Variants in EPB41L1 observed in about 807,000 individuals in gnomAD.
EPB41L1 encodes the protein erythrocyte membrane protein band 4.1 like 1, also known as band 4.1-like protein 1.
A neutral mutation model predicts 97.8 loss-of-function variants in EPB41L1; 29 were observed. The observed-to-expected ratio is 0.30, with a 90% confidence interval of 0.22 to 0.40. The LOEUF (loss-of-function observed/expected upper bound fraction) is 0.40, where lower values mean the gene tolerates loss of function less well. Among genes scored for constraint, EPB41L1 ranks in the 10% least tolerant of loss-of-function variants. EPB41L1 has a pLI of 1.00. For missense variants in EPB41L1, 812 were observed against 1,162.3 expected (o/e 0.70, Z 4.38); for synonymous variants, 383 against 459.2 (o/e 0.83, Z 2.12).
chr20:36,202,050 T>C (rs1262809489), intron 14 of EPB41L1, among the ~76,000 whole-genome samples: 1 of 152,176 alleles, frequency 6.6e-6, no homozygotes, highest in Non-Finnish European at 1.5e-5. Context: ...AGAACAAAAC[T>C]ATCCGCACAC....
chr20:36,227,981 T>C (rs2064275888), intron 21 of EPB41L1, among the ~76,000 whole-genome samples: 1 of 152,168 alleles, frequency 6.6e-6, no homozygotes, highest in African/African-American at 2.4e-5. Context: ...TGGGAAAAAA[T>C]TGACCTGTTC....
chr20:36,147,043 G>T (rs935610943), intron 2 of EPB41L1, among the ~76,000 whole-genome samples: 4 of 151,868 alleles, frequency 2.6e-5, no homozygotes, highest in African/African-American at 9.7e-5. Context: ...GCTACTTAGG[G>T]GGCTGAGGTA....
chr20:36,119,037 T>C (rs1420263444), intron 2 of EPB41L1, among the ~76,000 whole-genome samples: 2 of 152,242 alleles, frequency 1.3e-5, no homozygotes, highest in Non-Finnish European at 2.9e-5. Flanking sequence ...ACTTCTTCTA[T>C]AACTGAGCTA....
chr20:36,139,201 A>G (rs779564971), intron 2 of EPB41L1, among the ~76,000 whole-genome samples: 2 of 152,382 alleles, frequency 1.3e-5, no homozygotes, highest in Non-Finnish European at 2.9e-5. Context: ...GGCTAGGCCA[A>G]CGAGGATTCT....
intron 21 of EPB41L1, among the ~76,000 whole-genome samples, chr20:36,227,926 C>A (rs1221875822): frequency 6.6e-6 from 1 of 152,200 alleles, no homozygotes; most frequent in Non-Finnish European, 1.5e-5. Flanking sequence ...ACACCACCAG[C>A]AAGAGGGCAG....
rs1036336320 is a variant in EPB41L1 at position 36,123,853 on chromosome 20, G to T, written c.-10+11373G>T. Among the ~76,000 whole-genome samples the T allele has an allele frequency of 9.2e-5, 14 of 152,224 alleles. 1 individual carries two copies. The highest frequency in any genetic ancestry group is 3.4e-4 in the African/African-American group (14 of 41,458). On this transcript the variant is annotated intron_variant, in intron 2 of 19. Transcript: ENST00000202028. ...GAAAAAGGGAATTAACATTCAGTGA[G>T]CACCTATGTGCCAGTGCTATGCCAA... is the stretch of plus-strand genomic sequence containing the variant.
chr20:36,142,049 C>G (rs1019211514), intron 2 of EPB41L1, among the ~76,000 whole-genome samples: 3 of 147,228 alleles, frequency 2.0e-5, no homozygotes, highest in Non-Finnish European at 4.4e-5. Flanking sequence ...GCGGAGGTTG[C>G]AGTGAGCCGA....
At position 36,194,229 on chromosome 20, in the gene EPB41L1, G is replaced by C. The variant is rs1431319771; in HGVS notation, c.1318G>C (p.Ala440Pro). Residue 440 changes from alanine to proline, a missense_variant, in exon 12 of 22, where the codon GCC becomes CCC. Ala to Pro is a conservative substitution (Grantham distance 27, BLOSUM62 -1). Coordinates refer to ENST00000338074, the MANE Select transcript of EPB41L1 (RefSeq NM_012156.2). Reference sequence around the variant, plus strand: ...CACTTCAGCAGAGTTCTCCCGCCCAGCCTCGGTCAGCGAGAACCATGATGC... The same window carrying C: ...CACTTCAGCAGAGTTCTCCCGCCCACCCTCGGTCAGCGAGAACCATGATGC... ...SLDGAEFSRP[A>P]SVSENHDAGP... 2.5e-6 allele frequency: 4 copies of C among 1,613,884 alleles called. 1 individual carries two copies. The Admixed American group carries it at 6.7e-5, about 27-fold the overall frequency.
rs2147811860 is a variant in EPB41L1, at chr20:36,139,067, C to T, written c.-10+26587C>T. ...TGCCTGTCTCCCAGTGACTGACAGG[C>T]TCTTATTCAGCCTCTTGTGGTGATT... On this transcript the variant is annotated intron_variant, in intron 2 of 19. Coordinates refer to the EPB41L1 transcript ENST00000202028. Among the ~76,000 whole-genome samples, 2 of 152,344 alleles carry T rather than the reference C, an allele frequency of 1.3e-5. 1 individual carries two copies. The highest frequency in any genetic ancestry group is 4.1e-4 in the South Asian group (2 of 4,828).
Position 36,194,305 on chromosome 20 carries a change from G to T in EPB41L1, c.1394G>T (p.Arg465Leu). The T allele has an allele frequency of 6.2e-7, 1 of 1,614,090 alleles. No individual in the cohort carries two copies. Among genetic ancestry groups the T allele is most frequent in the Non-Finnish European group, 8.5e-7 (1 of 1,179,986 alleles). The change falls in exon 12 of 22, where the codon CGG becomes CTG. Residue 465 changes from arginine to leucine, a missense_variant. Physicochemically the swap from Arg to Leu is moderately radical, Grantham distance 102. This residue lies in a region of EPB41L1 where 498 missense variants were observed against 622.7 expected (regional missense o/e 0.80). Transcript: ENST00000338074. ...RDEDGESGGQ[R>L]SEAEEGEVRT... ...GAGGATGGCGAGTCTGGGGGGCAAC[G>T]GTCAGAGGCTGAGGAGGGAGAGGTC... is the stretch of plus-strand genomic sequence containing the variant.
intron 2 of EPB41L1, 61 bp from the exon 3 acceptor site, chr20:36,175,490 T>C: frequency 1.9e-6 from 3 of 1,599,694 alleles, no homozygotes; most frequent in Non-Finnish European, 2.6e-6. Context: ...GCTTCTTACT[T>C]ATATGAAAGG....
Position 36,190,228 on chromosome 20 carries a change from C to G in EPB41L1, c.1027-49C>G. The G allele has an allele frequency of 1.4e-6, 2 of 1,429,398 alleles. No individual in the cohort carries two copies. The highest frequency in any genetic ancestry group is 1.7e-5 in the Admixed American group (1 of 59,076). The allele number at this position is 1,429,398 out of a possible 1,614,324, so 88.5% of individuals were successfully genotyped here. ...AAAAACACAAAGAATGGGCTAGTGG[C>G]GAGAGTGAGCTCAGGCCCTGCCTCT... is the stretch of plus-strand genomic sequence containing the variant. On this transcript the variant is annotated intron_variant, in intron 9 of 21. Transcript: ENST00000338074. This position sits in a 1 kb window ranked among gnomAD's most constrained non-coding sequence, Gnocchi z 5.8.
Position 36,182,289 on chromosome 20 carries a change from G to A in EPB41L1, c.508G>A (p.Ala170Thr), listed in dbSNP as rs747948817. The stretch of plus-strand genomic sequence containing the variant: ...CCTCTCAGGTAGCCCCTGGAATTTT[G>A]CCTTCACAGTCAAGTTCTACCCGCC... ...KQIRSSPWNFAFTVKFYPPDP... is the reference protein window; with the variant it reads ...KQIRSSPWNFTFTVKFYPPDP... Residue 170 changes from alanine (A) to threonine (T), a missense_variant, in exon 6 of 22, where the codon GCC (alanine) becomes ACC (threonine). This residue lies in a region of EPB41L1 where 230 missense variants were observed against 445.2 expected (regional missense o/e 0.52). Coordinates refer to ENST00000338074, the MANE Select transcript of EPB41L1 (RefSeq NM_012156.2). 5 of 1,614,044 alleles carry A rather than the reference G, an allele frequency of 3.1e-6. No homozygotes were observed.
At chr20:36,219,899 A>C (rs1052270868) in intron 19 of EPB41L1, 55 bp downstream of exon 19, 54 of 1,482,158 alleles carry the variant, frequency 3.6e-5, no homozygotes, top group Non-Finnish European at 4.8e-5. Flanking sequence ...CGAGAAGGTC[A>C]TGACTGTTGT....
chr20:36,121,846 G>A (rs1356339844), intron 2 of EPB41L1: 3 of 152,606 alleles, frequency 2.0e-5, no homozygotes, highest in Admixed American at 1.3e-4. Context: ...ATTTCCTTTG[G>A]GCAGGAAGTG....
At chr20:36,140,390 G>A (rs2059594407) in intron 2 of EPB41L1, among the ~76,000 whole-genome samples, 1 of 152,050 alleles carries the variant, frequency 6.6e-6, no homozygotes, top group African/African-American at 2.4e-5. Flanking sequence ...TGCTTTCTAA[G>A]AGACATGGTA....
intron 1 of EPB41L1, among the ~76,000 whole-genome samples, chr20:36,097,208 C>T (rs979389064): frequency 6.6e-6 from 1 of 152,200 alleles, no homozygotes; most frequent in South Asian, 2.1e-4. Flanking sequence ...CCTTTTGGCA[C>T]GTGTCCATCT....
Position 36,096,664 on chromosome 20 carries a change from C to T in EPB41L1, c.-65+5052C>T, listed in dbSNP as rs6142505. The stretch of plus-strand genomic sequence containing the variant: ...ACTCTCTAGGCCAAGTCAATTTTCC[C>T]TGTTACACATTCTTAGAGCTCTCTG... On this transcript the variant is annotated intron_variant, in intron 1 of 19. Coordinates refer to the EPB41L1 transcript ENST00000202028. Among the ~76,000 whole-genome samples, 464 of 152,360 alleles carry T rather than the reference C, an allele frequency of 3.0e-3. 7 individuals are homozygous for T. The East Asian group carries it at 0.055, about 18-fold the overall frequency.
rs913937848 is a variant in EPB41L1, at chr20:36,232,553, T to G, written c.*3213T>G. On this transcript the variant is annotated 3_prime_UTR_variant, in exon 22 of 22. Transcript: ENST00000338074. Reference sequence around the variant, plus strand: ...GAAGTACCAGGACCTGTTTCAGTTTTTGAATCCTGCAAGCACATTCCAAGA... The same window carrying G: ...GAAGTACCAGGACCTGTTTCAGTTTGTGAATCCTGCAAGCACATTCCAAGA... 1 of 398,928 alleles carries G rather than the reference T, an allele frequency of 2.5e-6. No homozygotes were observed. The highest frequency in any genetic ancestry group is 4.4e-6 in the Non-Finnish European group (1 of 226,094). The allele number at this position is 398,928 out of a possible 1,614,324, so 24.7% of individuals were successfully genotyped here.
Sources: allele counts gnomAD v4.1 joint callset (sites outside exome capture counted in the v4.1 genomes callset), GRCh38; gene constraint gnomAD v4.1.1; regional missense constraint gnomAD v4.1.1; non-coding constraint Gnocchi (gnomAD v3.1); transcripts MANE v1.5; gene names NCBI Gene and HGNC (gene_info 2026-07-23, HGNC 2026-07-21).